Variants in PDE4D observed in about 807,000 individuals in gnomAD.
PDE4D encodes the protein phosphodiesterase 4D, also known as 3',5'-cyclic-AMP phosphodiesterase 4D.
Under a neutral mutation model 87.4 loss-of-function variants are expected in PDE4D, and 24 were observed. The ratio of observed to expected loss-of-function variants is 0.27; its 90% CI spans 0.20 to 0.39. PDE4D has a LOEUF of 0.39. PDE4D is among the 10% of genes least tolerant of loss of function. The pLI is 1.00. For missense variants in PDE4D, 714 were observed against 1,041.0 expected, an observed-to-expected ratio of 0.69 and a Z score of 4.32; for synonymous variants, 384 against 383.2, an observed-to-expected ratio of 1.00 and a Z score of -0.02.
intron 1 of PDE4D, among the ~76,000 whole-genome samples, chr5:60,410,834 A>G (rs1741985109): frequency 6.6e-6 from 1 of 152,246 alleles, no homozygotes; most frequent in Non-Finnish European, 1.5e-5. Context: ...TATGATGGCA[A>G]TGAGCCTCAG....
At chr5:59,973,342 C>T (rs938610963) in intron 3 of PDE4D, among the ~76,000 whole-genome samples, 3 of 152,262 alleles carry the variant, frequency 2.0e-5, no homozygotes, top group African/African-American at 7.2e-5. Context: ...CAGCCACATG[C>T]AGGCATATAT....
At chr5:60,058,126 G>A (rs1164846697) in intron 2 of PDE4D, among the ~76,000 whole-genome samples, 1 of 151,930 alleles carries the variant, frequency 6.6e-6, no homozygotes, top group Non-Finnish European at 1.5e-5. Flanking sequence ...TTTTAAAATG[G>A]TGGGAATTTA....
At chr5:60,430,549 G>GT (rs34406756) in intron 1 of PDE4D, among the ~76,000 whole-genome samples, 23,826 of 131,734 alleles carry the variant, frequency 0.18, 2,317 homozygotes, top group South Asian at 0.44. Flanking sequence ...TTTTTTGTTT[G>GT]TTTTTTTTTT....
intron 1 of PDE4D, chr5:59,275,466 T>A: frequency 6.4e-7 from 1 of 1,562,964 alleles, no homozygotes; most frequent in South Asian, 1.2e-5. Flanking sequence ...TCTAACTGTC[T>A]TTCTGCAAAG....
chr5:60,079,888 A>G (rs555103765), intron 2 of PDE4D, among the ~76,000 whole-genome samples: 5 of 152,306 alleles, frequency 3.3e-5, no homozygotes, highest in African/African-American at 4.8e-5. Flanking sequence ...TGAAACTTAA[A>G]ATAGTCTTTT....
chr5:59,817,747 C>CCG (rs1305165521), intron 1 of PDE4D, among the ~76,000 whole-genome samples: 5 of 150,596 alleles, frequency 3.3e-5, no homozygotes, highest in Non-Finnish European at 6.0e-5. Flanking sequence ...CCCACACCCC[C>CCG]CCCCACACAC....
intron 5 of PDE4D, among the ~76,000 whole-genome samples, chr5:59,158,116 C>G (rs1252555399): frequency 1.3e-5 from 2 of 152,188 alleles, no homozygotes; most frequent in Non-Finnish European, 2.9e-5. Context: ...AGACCACTCC[C>G]TGATCTTGTT....
rs549416328 is a variant in PDE4D, at chr5:59,306,123, C to G, written c.456-90155G>C. On this transcript the variant is annotated intron_variant, in intron 1 of 14. Transcript: ENST00000340635. ...TGTGACATATTCCTGTTGGAGAAGG[C>G]CTTTTACCATTATATAATATCCCTC... 8.0e-4 allele frequency among the ~76,000 whole-genome samples: 122 copies of G among 152,204 alleles called. 1 individual carries two copies. Among genetic ancestry groups the G allele is most frequent in the African/African-American group, 2.9e-3 (120 of 41,526 alleles).
At chr5:59,474,229 A>G (rs1234865099) in intron 1 of PDE4D, among the ~76,000 whole-genome samples, 4 of 152,128 alleles carry the variant, frequency 2.6e-5, no homozygotes, top group African/African-American at 9.7e-5. Flanking sequence ...AGTTCATTAT[A>G]TGCCACTGTG....
Position 59,725,344 on chromosome 5 carries a change from C to T in PDE4D, c.455+167824G>A, listed in dbSNP as rs151325766. On this transcript the variant is annotated intron_variant, in intron 1 of 14. Coordinates refer to ENST00000340635, the MANE Select transcript of PDE4D (RefSeq NM_001104631.2). ...GTAGCACTGGGTCCATATTTCTATG[C>T]ATCTTATTAACCTAGGCATTACACC... Among the ~76,000 whole-genome samples the T allele has an allele frequency of 2.6e-4, 39 of 152,180 alleles. No individual in the cohort carries two copies. In the East Asian group the frequency reaches 6.6e-3, roughly 26 times the overall value.
chr5:59,337,689 T>C (rs543722107), intron 1 of PDE4D, among the ~76,000 whole-genome samples: 1 of 152,310 alleles, frequency 6.6e-6, no homozygotes, highest in Admixed American at 6.5e-5. Context: ...CATGTGTTGA[T>C]ATGTTCTGAT....
At chr5:59,549,874 T>C (rs538024486) in intron 1 of PDE4D, among the ~76,000 whole-genome samples, 2 of 151,964 alleles carry the variant, frequency 1.3e-5, no homozygotes, top group African/African-American at 4.8e-5. Flanking sequence ...GTTCAATAAA[T>C]AATAACAATT....
intron 1 of PDE4D, among the ~76,000 whole-genome samples, chr5:59,736,088 A>G (rs1758029499): frequency 6.6e-6 from 1 of 152,010 alleles, no homozygotes; most frequent in South Asian, 2.1e-4. Flanking sequence ...CATGTATAAC[A>G]TTGTGCACAT....
At chr5:60,256,773 G>A (rs1463086852) in intron 1 of PDE4D, among the ~76,000 whole-genome samples, 2 of 151,918 alleles carry the variant, frequency 1.3e-5, no homozygotes, top group African/African-American at 4.8e-5. Context: ...AAGAAGTAAA[G>A]CCTCCACTGA....
At chr5:59,121,265 A>C (rs77935166) in intron 5 of PDE4D, among the ~76,000 whole-genome samples, 26,591 of 152,160 alleles carry the variant, frequency 0.17, 2,720 homozygotes, top group African/African-American at 0.26. Flanking sequence ...GTGAAGAGAC[A>C]ATCTATTAAA....
chr5:59,971,741 G>A (rs1218606717), intron 3 of PDE4D, among the ~76,000 whole-genome samples: 1 of 152,052 alleles, frequency 6.6e-6, no homozygotes, highest in Non-Finnish European at 1.5e-5. Flanking sequence ...TTCCCCTTTG[G>A]TTTTTCCTTA....
chr5:60,410,780 C>T (rs963368774), intron 1 of PDE4D, among the ~76,000 whole-genome samples: 1 of 152,206 alleles, frequency 6.6e-6, no homozygotes, highest in Admixed American at 6.5e-5. Context: ...TGCTTGGCCA[C>T]TGCAGGTATT....
intron 1 of PDE4D, among the ~76,000 whole-genome samples, chr5:59,619,216 TG>T (rs141337480): frequency 0.011 from 1,627 of 151,298 alleles, 22 homozygotes; most frequent in South Asian, 0.048. Context: ...GACTGAAATA[TG>T]GGGGAGGAGA....
At chr5:59,696,701 T>G (rs1751833235) in intron 1 of PDE4D, among the ~76,000 whole-genome samples, 1 of 152,220 alleles carries the variant, frequency 6.6e-6, no homozygotes, top group Non-Finnish European at 1.5e-5. Flanking sequence ...CTGAAGCTCT[T>G]GGTTTTTATA....
Sources: allele counts gnomAD v4.1 joint callset (sites outside exome capture counted in the v4.1 genomes callset), GRCh38; gene constraint gnomAD v4.1.1; transcripts MANE v1.5; gene names NCBI Gene and HGNC (gene_info 2026-07-23, HGNC 2026-07-21).